The following TAAR1 variants were observed in gnomAD, a reference collection of about 807,000 sequenced individuals.
TAAR1 encodes the protein trace amine associated receptor 1, also known as trace amine-associated receptor 1.
Under a neutral mutation model 1.2 loss-of-function variants are expected in TAAR1, and 1 was observed. The observed-to-expected ratio is 0.81, with a 90% CI of 0.29 to 3.86. The LOEUF (loss-of-function observed/expected upper bound fraction) is 3.86, where lower values mean the gene tolerates loss of function less well. Among genes scored for constraint, TAAR1 ranks in the 30% most tolerant of loss-of-function variants. The probability of loss-of-function intolerance (pLI) is 0.18; values close to 1 mark genes in which losing one functional copy is unlikely to be tolerated. For missense variants in TAAR1, 445 were observed against 405.6 expected, an observed-to-expected ratio of 1.10 and a Z score of -0.83; for synonymous variants, 153 against 132.2, an observed-to-expected ratio of 1.16 and a Z score of -1.08.
rs1777654233 is a variant in TAAR1, at chr6:132,645,438, AT to A, written c.565del (p.Ile189TyrfsTer5). 6.2e-7 allele frequency: 1 copy of A among 1,613,762 alleles called. No homozygotes were observed. The highest frequency in any genetic ancestry group is 8.5e-7 in the Non-Finnish European group (1 of 1,179,804). On this transcript the variant is annotated frameshift_variant, in exon 2 of 2. Transcript: ENST00000275216. LOFTEE classifies it low-confidence loss of function (END_TRUNC). ...AGTCATAAAGGTCAGTACCCCAGAT[AT>A]TTTGCTAAAGAAGACAGAGCAACCT... ...RGGCSVFFSK[I>X]SGVLTFMTSF...
chr6:132,658,207 G>A (rs995077408), intron 1 of TAAR1, among the ~76,000 whole-genome samples: 5 of 151,970 alleles, frequency 3.3e-5, no homozygotes, highest in Non-Finnish European at 7.4e-5. Context: ...TTCTAAAGGG[G>A]GAAAGAGACC....
intron 1 of TAAR1, 22 bp from the exon 2 acceptor site, chr6:132,646,151 T>A (rs1777670227): frequency 1.1e-6 from 1 of 908,728 alleles, no homozygotes; most frequent in African/African-American, 1.7e-5. Flanking sequence ...AATAAAAGAG[T>A]AAATCATTGG....
At chr6:132,655,753 A>C (rs185050627) in intron 1 of TAAR1, among the ~76,000 whole-genome samples, 1 of 152,294 alleles carries the variant, frequency 6.6e-6, no homozygotes, top group Admixed American at 6.5e-5. Context: ...GCTGCAACGG[A>C]AGCTGTCACC....
chr6:132,658,102 T>G (rs1335871347), intron 1 of TAAR1, among the ~76,000 whole-genome samples: 1 of 152,138 alleles, frequency 6.6e-6, no homozygotes, highest in Non-Finnish European at 1.5e-5. Context: ...AAATGTAAAA[T>G]AGACAATAAT....
At position 132,643,666 on chromosome 6, in the gene TAAR1, A is replaced by G. The variant is rs956036602; in HGVS notation, c.*1318T>C. ...AAAATCATTTGCCTTACCCTAACTTATTCATGAGCAGAAGGTAAATCCAAA... is the reference window on the plus strand; with the variant it reads ...AAAATCATTTGCCTTACCCTAACTTGTTCATGAGCAGAAGGTAAATCCAAA... On this transcript the variant is annotated 3_prime_UTR_variant, in exon 2 of 2. Transcript: ENST00000275216. 3.3e-5 allele frequency among the ~76,000 whole-genome samples: 5 copies of G among 151,976 alleles called. No homozygotes were observed. Among genetic ancestry groups the G allele is most frequent in the Admixed American group, 6.6e-5 (1 of 15,216 alleles).
At chr6:132,657,458 C>T (rs1214973789) in intron 1 of TAAR1, among the ~76,000 whole-genome samples, 1 of 151,288 alleles carries the variant, frequency 6.6e-6, no homozygotes, top group Non-Finnish European at 1.5e-5. Context: ...CTGGTTCTTT[C>T]TATATAGAGA....
intron 1 of TAAR1, among the ~76,000 whole-genome samples, chr6:132,654,391 A>G (rs1361024211): frequency 6.6e-6 from 1 of 152,196 alleles, no homozygotes; most frequent in African/African-American, 2.4e-5. Flanking sequence ...GACAGCTGGT[A>G]GGTACTTGTA....
chr6:132,655,038 A>G (rs1383689205), intron 1 of TAAR1, among the ~76,000 whole-genome samples: 1 of 152,178 alleles, frequency 6.6e-6, no homozygotes, highest in African/African-American at 2.4e-5. Context: ...AAAAAATCCT[A>G]CACCCCTGAT....
At chr6:132,654,673 A>T (rs545073674) in intron 1 of TAAR1, among the ~76,000 whole-genome samples, 2 of 152,312 alleles carry the variant, frequency 1.3e-5, no homozygotes, top group East Asian at 3.9e-4. Flanking sequence ...AAAGGAAACA[A>T]ATTACTTGCA....
At chr6:132,658,504 T>G (rs1008247053) in intron 1 of TAAR1, among the ~76,000 whole-genome samples, 1 of 152,186 alleles carries the variant, frequency 6.6e-6, no homozygotes, top group Non-Finnish European at 1.5e-5. Flanking sequence ...TGATCTAATA[T>G]ATGGCAGGTA....
intron 1 of TAAR1, among the ~76,000 whole-genome samples, chr6:132,649,954 C>T (rs1582752148): frequency 6.6e-6 from 1 of 152,308 alleles, no homozygotes; most frequent in East Asian, 1.9e-4. Context: ...TAACGCTACT[C>T]CTGCTAAAGT....
rs1198978313 is a variant in TAAR1, at chr6:132,645,335, T to C, written c.669A>G (p.Leu223=). The change falls in exon 2 of 2, where the codon TTA becomes TTG. Residue 223 remains leucine (L), a synonymous_variant. Coordinates refer to ENST00000275216, the MANE Select transcript of TAAR1 (RefSeq NM_138327.4). The part of the protein sequence containing the change: ...IYLIAKEQAR[L]ISDANQKLQI... The stretch of plus-strand genomic sequence containing the variant: ...GGAGCTTCTGATTGGCATCACTAAT[T>C]AATCTTGCCTGTTCTTTAGCGATAA... 1.3e-5 allele frequency: 21 copies of C among 1,613,502 alleles called. No individual in the cohort carries two copies. Among genetic ancestry groups the C allele is most frequent in the Non-Finnish European group, 1.8e-5 (21 of 1,179,740 alleles).
rs1403321574 is a variant in TAAR1 at position 132,644,178 on chromosome 6, G to A, written c.*806C>T. Among the ~76,000 whole-genome samples, 1 of 151,890 alleles carries A rather than the reference G, an allele frequency of 6.6e-6. No homozygotes were observed. Among genetic ancestry groups the A allele is most frequent in the African/African-American group, 2.4e-5 (1 of 41,406 alleles). On this transcript the variant is annotated 3_prime_UTR_variant, in exon 2 of 2. Transcript: ENST00000275216. ...TATATTTGTACATCTGTGCAGTCACGTTATACAGCCACAAAAAGGGATTAC... is the reference window on the plus strand; with the variant it reads ...TATATTTGTACATCTGTGCAGTCACATTATACAGCCACAAAAAGGGATTAC...
chr6:132,651,718 C>A (rs1230036630), intron 1 of TAAR1, among the ~76,000 whole-genome samples: 2 of 152,148 alleles, frequency 1.3e-5, no homozygotes, highest in African/African-American at 4.8e-5. Flanking sequence ...CCTGTCTCTC[C>A]ACAGAAAGTA....
rs1035179337 is a variant in TAAR1 at position 132,644,624 on chromosome 6, A to G, written c.*360T>C. The stretch of plus-strand genomic sequence containing the variant: ...AGGACATGTATACGTATATGACAAA[A>G]TCATTCTGATTTGCATCCTCAAATT... On this transcript the variant is annotated 3_prime_UTR_variant, in exon 2 of 2. Transcript: ENST00000275216. Among the ~76,000 whole-genome samples, 11 of 152,078 alleles carry G rather than the reference A, an allele frequency of 7.2e-5. No individual in the cohort carries two copies. Among genetic ancestry groups the G allele is most frequent in the African/African-American group, 2.7e-4 (11 of 41,430 alleles).
intron 1 of TAAR1, among the ~76,000 whole-genome samples, chr6:132,647,085 G>A (rs1270514569): frequency 6.6e-6 from 1 of 152,094 alleles, no homozygotes; most frequent in Non-Finnish European, 1.5e-5. Flanking sequence ...GCACTGAGGT[G>A]AGAGCCCAGG....
chr6:132,652,733 C>T (rs959500095), intron 1 of TAAR1, among the ~76,000 whole-genome samples: 3 of 150,274 alleles, frequency 2.0e-5, no homozygotes, highest in Admixed American at 1.3e-4. Context: ...TCTATTTTCC[C>T]CCTTTTCTTT....
At chr6:132,648,873 T>C (rs1425895518) in intron 1 of TAAR1, among the ~76,000 whole-genome samples, 1 of 152,194 alleles carries the variant, frequency 6.6e-6, no homozygotes, top group Non-Finnish European at 1.5e-5. Context: ...AGTTAACAAA[T>C]TGCTGTTTGA....
chr6:132,652,117 A>T (rs1777755944), intron 1 of TAAR1, among the ~76,000 whole-genome samples: 1 of 152,190 alleles, frequency 6.6e-6, no homozygotes, highest in South Asian at 2.1e-4. Flanking sequence ...TAGACAAGGC[A>T]GCAAAAACTA....
Sources: allele counts gnomAD v4.1 joint callset (sites outside exome capture counted in the v4.1 genomes callset), GRCh38; gene constraint gnomAD v4.1.1; transcripts MANE v1.5; gene names NCBI Gene and HGNC (gene_info 2026-07-23, HGNC 2026-07-21).